The following TCHP variants were observed in gnomAD, a reference collection of about 807,000 sequenced individuals.
TCHP encodes the protein trichoplein keratin filament-binding protein.
TCHP carries 81 observed loss-of-function variants against 88.7 expected under a neutral mutation model. The ratio of observed to expected loss-of-function variants is 0.91; its 90% CI spans 0.76 to 1.10. TCHP has a LOEUF of 1.10. Ranked by LOEUF, TCHP falls within the 50% of genes least tolerant of loss-of-function variation. The probability of loss-of-function intolerance (pLI) is 0.00; values close to 1 mark genes in which losing one functional copy is unlikely to be tolerated. For synonymous variants in TCHP, 232 were observed against 232.5 expected, an observed-to-expected ratio of 1.00 and a Z score of 0.02; for missense variants, 641 against 632.1, an observed-to-expected ratio of 1.01 and a Z score of -0.15.
chr12:109,904,577 C>G lies in TCHP; in HGVS notation c.400-160C>G, dbSNP rs189945418. Among the ~76,000 whole-genome samples, 58 of 152,306 alleles carry G rather than the reference C, an allele frequency of 3.8e-4. 2 individuals are homozygous for G. The highest frequency in any genetic ancestry group is 3.3e-3 in the Admixed American group (51 of 15,298). On this transcript the variant is annotated intron_variant, in intron 3 of 12. Transcript: ENST00000405876. ...TCACTTGGTAGTGCCATGTGGTTCT[C>G]AGAGCTGTGCATGTGAAGCATGAGG...
intron 1 of TCHP, among the ~76,000 whole-genome samples, chr12:109,902,088 A>G (rs570265928): frequency 3.3e-5 from 5 of 152,296 alleles, no homozygotes; most frequent in Admixed American, 2.6e-4. Context: ...TGCCTAGTCT[A>G]GCAATCTTAG....
At chr12:109,911,892 G>T (rs1338599306) in intron 9 of TCHP, among the ~76,000 whole-genome samples, 7 of 152,018 alleles carry the variant, frequency 4.6e-5, no homozygotes, top group Non-Finnish European at 1.0e-4. Flanking sequence ...TGCCTCCTGG[G>T]TTCAAGTAAT....
At chr12:109,911,014 A>C (rs772060342) in intron 8 of TCHP, 49 bp from the exon 9 acceptor site, 34 of 1,459,816 alleles carry the variant, frequency 2.3e-5, no homozygotes, top group Non-Finnish European at 3.0e-5. Flanking sequence ...CTCTCATTGC[A>C]GAAGGACTCT....
At chr12:109,915,850 A>G (rs777281791) in intron 12 of TCHP, among the ~76,000 whole-genome samples, 3 of 152,238 alleles carry the variant, frequency 2.0e-5, no homozygotes, top group South Asian at 4.2e-4. Context: ...ACAGCTGCTG[A>G]GAGGGGTCAG....
At chr12:109,907,781 GAA>G in intron 6 of TCHP, 82 bp downstream of exon 6, 1 of 1,463,390 alleles carries the variant, frequency 6.8e-7, no homozygotes, top group Non-Finnish European at 9.2e-7. Flanking sequence ...GCTGCCCTAA[GAA>G]GAGGCCATAG....
the TCHP span, among the ~76,000 whole-genome samples, chr12:109,880,999 A>G: frequency 6.6e-6 from 1 of 152,102 alleles, no homozygotes; most frequent in African/African-American, 2.4e-5. This position sits in a 1 kb window ranked among gnomAD's most constrained non-coding sequence, Gnocchi z 5.1. Flanking sequence ...GTCTTCAATG[A>G]CCTTATACCT....
At chr12:109,891,802 C>T in the TCHP span, among the ~76,000 whole-genome samples, 1 of 151,998 alleles carries the variant, frequency 6.6e-6, no homozygotes, top group Non-Finnish European at 1.5e-5. Context: ...CTCTGCCTCT[C>T]AGGTTCAAAT....
chr12:109,908,778 A>G, intron 7 of TCHP, 80 bp downstream of exon 7: 1 of 1,564,082 alleles, frequency 6.4e-7, no homozygotes. Context: ...TGTTGCTGAA[A>G]CCATAAAGGA....
chr12:109,900,150 C>T (rs1161641124), upstream of TCHP: 2 of 152,256 alleles, frequency 1.3e-5, no homozygotes, highest in Non-Finnish European at 2.9e-5. Flanking sequence ...TTCTTTGCCT[C>T]CATGCTTCCC....
At chr12:109,902,887 G>A (rs979721551) in intron 1 of TCHP, 140 bp from the exon 2 acceptor site, 1 of 594,280 alleles carries the variant, frequency 1.7e-6, no homozygotes, top group Non-Finnish European at 2.8e-6. Flanking sequence ...GGTTTTGTTT[G>A]TTTGTTTGTT....
chr12:109,901,540 C>T (rs1592904283), intron 1 of TCHP, among the ~76,000 whole-genome samples: 4 of 152,294 alleles, frequency 2.6e-5, no homozygotes, highest in Admixed American at 2.6e-4. Context: ...TGATAAGGTA[C>T]TGAAACAAGC....
At chr12:109,909,923 C>A (rs1870390188) in intron 8 of TCHP, among the ~76,000 whole-genome samples, 1 of 152,166 alleles carries the variant, frequency 6.6e-6, no homozygotes, top group African/African-American at 2.4e-5. Flanking sequence ...TGAGATCAAG[C>A]CGTTGCACTC....
At position 109,904,127 on chromosome 12, in the gene TCHP, AAAG is replaced by A. The variant is rs1439260611; in HGVS notation, c.384_386del (p.Glu129del). 1 of 1,576,002 alleles carries A rather than the reference AAAG, an allele frequency of 6.3e-7. No individual in the cohort carries two copies. The highest frequency in any genetic ancestry group is 1.2e-5 in the South Asian group (1 of 86,116). ...GCAGCACGGGAAGCTGAAATCAGCC[AAAG>A]AAGAGCAGAGGAAACTGGTAACTCC... On this transcript the variant is annotated inframe_deletion, in exon 3 of 13. Transcript: ENST00000405876.
Position 109,915,969 on chromosome 12 carries a change from C to T in TCHP, c.1464+423C>T, listed in dbSNP as rs545084298. Among the ~76,000 whole-genome samples the T allele has an allele frequency of 2.9e-4, 44 of 152,266 alleles. 1 individual carries two copies. The South Asian group carries it at 9.1e-3, about 32-fold the overall frequency. On this transcript the variant is annotated intron_variant, in intron 12 of 12. Transcript: ENST00000405876. Reference sequence around the variant, plus strand: ...CCTCCTGTGGGTGTCCTCTTCCTCCCCTCCCTCCCGTGTGTGTATCTGTTT... The same window carrying T: ...CCTCCTGTGGGTGTCCTCTTCCTCCTCTCCCTCCCGTGTGTGTATCTGTTT...
chr12:109,885,478 GT>G, the TCHP span, among the ~76,000 whole-genome samples: 2,935 of 118,138 alleles, frequency 0.025, 48 homozygotes, highest in African/African-American at 0.083. Flanking sequence ...AAATCTGATG[GT>G]TTTTTTTTTT....
chr12:109,893,630 T>C, the TCHP span, among the ~76,000 whole-genome samples: 1 of 152,186 alleles, frequency 6.6e-6, no homozygotes, highest in Non-Finnish European at 1.5e-5. Flanking sequence ...GTGGCTCTTG[T>C]TTCACCTATA....
At chr12:109,887,370 C>A in the TCHP span, among the ~76,000 whole-genome samples, 1 of 143,432 alleles carries the variant, frequency 7.0e-6, no homozygotes, top group Non-Finnish European at 1.5e-5. Context: ...TGCAGTGAGC[C>A]GAGATCGCAC....
At chr12:109,910,405 C>T (rs1400917681) in intron 8 of TCHP, among the ~76,000 whole-genome samples, 3 of 152,194 alleles carry the variant, frequency 2.0e-5, no homozygotes, top group Non-Finnish European at 4.4e-5. Context: ...CAGCCTCAAC[C>T]TGCCAGGCTC....
intron 9 of TCHP, among the ~76,000 whole-genome samples, chr12:109,911,920 C>G (rs929303074): frequency 4.6e-5 from 7 of 151,950 alleles, no homozygotes; most frequent in Non-Finnish European, 1.0e-4. Flanking sequence ...CTCAGCCTCC[C>G]GAGTAGCTGG....
Sources: allele counts gnomAD v4.1 joint callset (sites outside exome capture counted in the v4.1 genomes callset), GRCh38; gene constraint gnomAD v4.1.1; non-coding constraint Gnocchi (gnomAD v3.1); transcripts MANE v1.5; gene names NCBI Gene and HGNC (gene_info 2026-07-23, HGNC 2026-07-21).